Variants in PARD3 observed in about 807,000 individuals in gnomAD.
The protein encoded by PARD3 is par-3 family cell polarity regulator, also known as partitioning defective 3 homolog.
A neutral mutation model predicts 155.4 loss-of-function variants in PARD3; 75 were observed. The observed-to-expected ratio is 0.48, with a 90% CI of 0.40 to 0.58. PARD3 has a LOEUF of 0.58. Among genes scored for constraint, PARD3 ranks in the 20% least tolerant of loss-of-function variants. The pLI is 0.00. For missense variants in PARD3, 1,642 were observed against 1,721.7 expected (o/e 0.95, Z 0.82); for synonymous variants, 576 against 610.5 (o/e 0.94, Z 0.83).
At chr10:34,596,081 A>G (rs2089224356) in intron 2 of PARD3, among the ~76,000 whole-genome samples, 1 of 152,234 alleles carries the variant, frequency 6.6e-6, no homozygotes, top group Non-Finnish European at 1.5e-5. Context: ...CTCTTTAAGA[A>G]TCAAACTTTG....
At chr10:34,498,944 GAAGT>G (rs1450925314) in intron 3 of PARD3, among the ~76,000 whole-genome samples, 1 of 152,154 alleles carries the variant, frequency 6.6e-6, no homozygotes, top group Non-Finnish European at 1.5e-5. Flanking sequence ...GAATAGCACT[GAAGT>G]AATAGCCCTG....
chr10:34,146,771 A>G (rs1169124144), intron 22 of PARD3, among the ~76,000 whole-genome samples: 1 of 152,178 alleles, frequency 6.6e-6, no homozygotes, highest in East Asian at 1.9e-4. Flanking sequence ...GATGCTGGTG[A>G]CAAAGAACGT....
intron 1 of PARD3, among the ~76,000 whole-genome samples, chr10:34,697,104 G>GAA (rs11440199): frequency 6.6e-6 from 1 of 150,952 alleles, no homozygotes; most frequent in Admixed American, 6.6e-5. Flanking sequence ...TGAGGAGAAG[G>GAA]AAAAAAAAGG....
intron 23 of PARD3, among the ~76,000 whole-genome samples, chr10:34,129,700 C>CTTTTTTTTTTTTTTTTTTTTT (rs1209547388): frequency 7.2e-5 from 6 of 82,984 alleles, no homozygotes; most frequent in African/African-American, 2.8e-4. Context: ...TGTCAAGCCT[C>CTTTTTTTTTTTTTTTTTTTTT]TTTTTTTTTT....
intron 22 of PARD3, among the ~76,000 whole-genome samples, chr10:34,172,751 A>AC (rs1554801446): frequency 6.0e-4 from 90 of 149,082 alleles, no homozygotes; most frequent in African/African-American, 2.1e-3. Context: ...AAAAACAACA[A>AC]AAAAAAAAAC....
chr10:34,587,692 C>T (rs1430656386), intron 2 of PARD3, among the ~76,000 whole-genome samples: 1 of 152,176 alleles, frequency 6.6e-6, no homozygotes, highest in Admixed American at 6.5e-5. Context: ...GAGCAACTTG[C>T]TTTAGCTATG....
At chr10:34,541,971 G>C (rs2083639676) in intron 2 of PARD3, among the ~76,000 whole-genome samples, 1 of 151,972 alleles carries the variant, frequency 6.6e-6, no homozygotes. Flanking sequence ...TGAAGTCCTG[G>C]GCTCAAGCAG....
At chr10:34,564,637 A>G (rs190826958) in intron 2 of PARD3, among the ~76,000 whole-genome samples, 1 of 152,326 alleles carries the variant, frequency 6.6e-6, no homozygotes, top group East Asian at 1.9e-4. Context: ...TGCTAACATT[A>G]CTGCATTATG....
rs183392799 is a variant in PARD3 at position 34,590,001 on chromosome 10, T to C, written c.223-72842A>G. ...ATTTTTGGTATTTATACAAAGATGG[T>C]GAACATTACCAATCCAGGATCATTT... On this transcript the variant is annotated intron_variant, in intron 2 of 24. Coordinates refer to ENST00000374788, the MANE Select transcript of PARD3 (RefSeq NM_001184785.2). Among the ~76,000 whole-genome samples, 16 of 152,282 alleles carry C rather than the reference T, an allele frequency of 1.1e-4. 1 individual carries two copies. The highest frequency in any genetic ancestry group is 9.8e-4 in the Admixed American group (15 of 15,298).
intron 2 of PARD3, among the ~76,000 whole-genome samples, chr10:34,687,847 T>C (rs1406621158): frequency 1.2e-4 from 4 of 32,610 alleles, no homozygotes; most frequent in African/African-American, 8.5e-4. Context: ...ACCTGAAATC[T>C]TTTTTTTTTT....
At chr10:34,810,799 C>T (rs1218020843) in intron 1 of PARD3, among the ~76,000 whole-genome samples, 3 of 152,120 alleles carry the variant, frequency 2.0e-5, no homozygotes, top group African/African-American at 7.2e-5. Flanking sequence ...TTTAGAGTTT[C>T]CCTCTCATCA....
chr10:34,525,530 C>A (rs1378220460), intron 2 of PARD3, among the ~76,000 whole-genome samples: 1 of 152,176 alleles, frequency 6.6e-6, no homozygotes, highest in Admixed American at 6.5e-5. Flanking sequence ...AACCTTCCAA[C>A]ATATCTAAGA....
intron 1 of PARD3, among the ~76,000 whole-genome samples, chr10:34,721,670 G>A (rs1226087584): frequency 1.3e-5 from 2 of 152,194 alleles, no homozygotes; most frequent in Non-Finnish European, 2.9e-5. Context: ...CCATCTCCTG[G>A]AGACATAAGA....
chr10:34,718,736 G>C (rs1001044639), intron 1 of PARD3, among the ~76,000 whole-genome samples: 6 of 152,326 alleles, frequency 3.9e-5, no homozygotes, highest in African/African-American at 1.2e-4. Context: ...GCCGAGGTAG[G>C]CGGATCACCT....
chr10:34,246,863 G>C (rs921123871), intron 22 of PARD3, among the ~76,000 whole-genome samples: 2 of 152,078 alleles, frequency 1.3e-5, no homozygotes, highest in Non-Finnish European at 2.9e-5. Flanking sequence ...GCGATTAAAA[G>C]GTAATTTAAA....
chr10:34,622,452 C>CT (rs1182448325), intron 2 of PARD3, among the ~76,000 whole-genome samples: 1 of 152,160 alleles, frequency 6.6e-6, no homozygotes, highest in African/African-American at 2.4e-5. Context: ...GAACTTTCAT[C>CT]TAAAAAGCTG....
intron 2 of PARD3, among the ~76,000 whole-genome samples, chr10:34,577,272 T>C (rs1448224544): frequency 2.0e-5 from 3 of 152,246 alleles, no homozygotes; most frequent in African/African-American, 7.2e-5. Context: ...AACTCATTAA[T>C]ACACCTGCAG....
At chr10:34,727,322 C>T (rs1418156755) in intron 1 of PARD3, among the ~76,000 whole-genome samples, 2 of 152,222 alleles carry the variant, frequency 1.3e-5, no homozygotes, top group Admixed American at 6.5e-5. Flanking sequence ...TCTCAGGAAG[C>T]ACTGCACGTT....
At chr10:34,432,394 T>C (rs1298543385) in intron 5 of PARD3, among the ~76,000 whole-genome samples, 1 of 148,734 alleles carries the variant, frequency 6.7e-6, no homozygotes, top group East Asian at 2.0e-4. Context: ...AAAGGTATAA[T>C]ATATAGTACC....
Sources: gnomAD v4.1 joint callset for allele counts (sites outside exome capture counted in the v4.1 genomes callset) on GRCh38, gnomAD v4.1.1 for gene constraint, MANE v1.5 for transcripts, NCBI Gene and HGNC (gene_info 2026-07-23, HGNC 2026-07-21) for gene names.